Variants in SEC61A2 observed in about 807,000 individuals in gnomAD.
The protein encoded by SEC61A2 is SEC61 translocon subunit alpha 2, also known as protein transport protein Sec61 subunit alpha isoform 2.
A neutral mutation model predicts 59.9 loss-of-function variants in SEC61A2; 28 were observed. The ratio of observed to expected loss-of-function variants is 0.47; its 90% confidence interval spans 0.35 to 0.64. The LOEUF (loss-of-function observed/expected upper bound fraction) is 0.64. Ranked by LOEUF, SEC61A2 falls within the 30% of genes least tolerant of loss-of-function variation. SEC61A2 has a pLI of 0.01. For synonymous variants in SEC61A2, 202 were observed against 214.4 expected (o/e 0.94, Z 0.50); for missense variants, 340 against 585.9 (o/e 0.58, Z 4.33).
In SEC61A2 at chr10:12,164,508, GT is replaced by G; in HGVS notation, c.*59del. 1 of 1,568,876 alleles carries G rather than the reference GT, an allele frequency of 6.4e-7. No homozygotes were observed. Among genetic ancestry groups the G allele is most frequent in the Non-Finnish European group, 8.6e-7 (1 of 1,157,440 alleles). The stretch of plus-strand genomic sequence containing the variant: ...GAAAGGGAAAACACTTTGACGGATC[GT>G]TTTTGTCAGATGACACTGGTGGCTC... On this transcript the variant is annotated 3_prime_UTR_variant, in exon 12 of 12. Transcript: ENST00000298428. The surrounding 1 kb of genome is among the most constrained non-coding windows in gnomAD (Gnocchi z 7.3).
chr10:12,129,864 G>A lies in SEC61A2; in HGVS notation c.7+70G>A, dbSNP rs2131638200. ...GCCCCGCCTGGGCTGCGGGCGGTGGGGCTGGCGCTCGCTCGGAGTCGTGGG... is the reference window on the plus strand; with the variant it reads ...GCCCCGCCTGGGCTGCGGGCGGTGGAGCTGGCGCTCGCTCGGAGTCGTGGG... On this transcript the variant is annotated intron_variant, in intron 1 of 11. Coordinates refer to ENST00000298428, the MANE Select transcript of SEC61A2 (RefSeq NM_018144.4). This position sits in a 1 kb window ranked among gnomAD's most constrained non-coding sequence, Gnocchi z 5.6. The A allele has an allele frequency of 1.6e-6, 2 of 1,285,526 alleles. No individual in the cohort carries two copies. Among genetic ancestry groups the A allele is most frequent in the East Asian group, 3.2e-5 (1 of 31,490 alleles). 79.6% of individuals were successfully genotyped at this position (1,285,526 alleles called of 1,614,324 possible). A position where few individuals can be genotyped will look rare whatever the true frequency, so the allele number is the denominator to read the frequency against.
intron 3 of SEC61A2, among the ~76,000 whole-genome samples, chr10:12,139,231 G>A (rs1408247067): frequency 6.6e-6 from 1 of 151,488 alleles, no homozygotes; most frequent in Admixed American, 6.6e-5. Context: ...CAAAGTGCTG[G>A]GATTACAGGC....
In SEC61A2 at chr10:12,164,253, G is replaced by T; in HGVS notation, c.1245-15G>T. Reference sequence around the variant, plus strand: ...TGGTCTCTGCTGCCGCCTAACTTGGGGTTCTGTCTCCTAGGTACATCCCCA... The same window carrying T: ...TGGTCTCTGCTGCCGCCTAACTTGGTGTTCTGTCTCCTAGGTACATCCCCA... On this transcript the variant is annotated splice_polypyrimidine_tract_variant and intron_variant, in intron 11 of 11. Coordinates refer to ENST00000298428, the MANE Select transcript of SEC61A2 (RefSeq NM_018144.4). The surrounding 1 kb of genome is among the most constrained non-coding windows in gnomAD (Gnocchi z 7.3). 3.1e-6 allele frequency: 5 copies of T among 1,611,608 alleles called. No homozygotes were observed. Among genetic ancestry groups the T allele is most frequent in the Non-Finnish European group, 4.2e-6 (5 of 1,179,760 alleles).
downstream of SEC61A2, chr10:12,169,268 A>C: frequency 6.4e-7 from 1 of 1,550,778 alleles, no homozygotes; most frequent in Non-Finnish European, 8.7e-7. This position sits in a 1 kb window ranked among gnomAD's most constrained non-coding sequence, Gnocchi z 4.8. Flanking sequence ...ACCAAAAGTG[A>C]AGTTAAGAAG....
At chr10:12,131,762 C>T (rs1347283403) in intron 1 of SEC61A2, among the ~76,000 whole-genome samples, 44 of 128,512 alleles carry the variant, frequency 3.4e-4, no homozygotes, top group African/African-American at 1.2e-3. Flanking sequence ...TCCATCCGGG[C>T]TTACTGCAAG....
In SEC61A2 at chr10:12,164,568, T is replaced by G; in HGVS notation, c.*114T>G. On this transcript the variant is annotated 3_prime_UTR_variant, in exon 12 of 12. Transcript: ENST00000298428. This position sits in a 1 kb window ranked among gnomAD's most constrained non-coding sequence, Gnocchi z 7.3. Reference sequence around the variant, plus strand: ...TCCCCTCACAGTTTCTTGTTTCGAGTGCTGACTGACCCGTTTCTGAAATGG... The same window carrying G: ...TCCCCTCACAGTTTCTTGTTTCGAGGGCTGACTGACCCGTTTCTGAAATGG... 10 of 1,489,186 alleles carry G rather than the reference T, an allele frequency of 6.7e-6. No homozygotes were observed. The highest frequency in any genetic ancestry group is 8.9e-6 in the Non-Finnish European group (10 of 1,125,194). The allele number at this position is 1,489,186 out of a possible 1,614,324, so 92.2% of individuals were successfully genotyped here.
intron 1 of SEC61A2, among the ~76,000 whole-genome samples, chr10:12,131,986 CAA>C (rs754739865): frequency 0.99 from 38,487 of 38,730 alleles, 19,230 homozygotes; most frequent in African/African-American, 1. Flanking sequence ...CGTGAGCCAA[CAA>C]GCCCGGCCTA....
intron 4 of SEC61A2, among the ~76,000 whole-genome samples, chr10:12,144,567 G>A (rs1338897772): frequency 6.6e-6 from 1 of 152,186 alleles, no homozygotes; most frequent in Non-Finnish European, 1.5e-5. Flanking sequence ...CAATGTCCCA[G>A]TTGTCATGGA....
downstream of SEC61A2, chr10:12,166,964 T>C (rs540551088): frequency 8.7e-6 from 2 of 229,088 alleles, no homozygotes; most frequent in South Asian, 1.0e-4. Context: ...AACATGTCAG[T>C]CTTACAGATT....
At chr10:12,131,991 C>CG (rs1833756318) in intron 1 of SEC61A2, among the ~76,000 whole-genome samples, 1 of 46,586 alleles carries the variant, frequency 2.1e-5, no homozygotes, top group Non-Finnish European at 3.8e-5. Flanking sequence ...GCCAACAAGC[C>CG]CGGCCTACAT....
chr10:12,161,160 A>G lies in SEC61A2; in HGVS notation c.1167+39A>G, dbSNP rs1482807445. On this transcript the variant is annotated intron_variant, in intron 10 of 11. Transcript: ENST00000298428. The surrounding 1 kb of genome is among the most constrained non-coding windows in gnomAD (Gnocchi z 5.4). ...TTATTTTAAAATAAAACTCTTGGCA[A>G]TGCATGGTGGCGCACATCTGTAATC... The G allele has an allele frequency of 2.7e-6, 4 of 1,503,110 alleles. No individual in the cohort carries two copies. The Admixed American group carries it at 5.6e-5, about 21-fold the overall frequency. 93.1% of individuals were successfully genotyped at this position (1,503,110 alleles called of 1,614,324 possible).
chr10:12,138,330 C>G (rs1203290517), intron 3 of SEC61A2, among the ~76,000 whole-genome samples: 5 of 152,088 alleles, frequency 3.3e-5, no homozygotes, highest in African/African-American at 1.2e-4. Flanking sequence ...CTACCATTGA[C>G]TTTCAGCATC....
In SEC61A2 at chr10:12,152,665, C is replaced by T. The variant is rs180961097; in HGVS notation, c.462+2704C>T. On this transcript the variant is annotated intron_variant, in intron 6 of 11. Coordinates refer to ENST00000298428, the MANE Select transcript of SEC61A2 (RefSeq NM_018144.4). The surrounding 1 kb of genome is among the most constrained non-coding windows in gnomAD (Gnocchi z 5.5). ...ATCCCAGCACTTTGGGAGGCTGAGG[C>T]GGGCGGATCACGAGGTCAGGAGATC... Among the ~76,000 whole-genome samples, 398 of 151,986 alleles carry T rather than the reference C, an allele frequency of 2.6e-3. 2 individuals are homozygous for T. The highest frequency in any genetic ancestry group is 9.4e-3 in the African/African-American group (389 of 41,478).
chr10:12,146,562 G>T (rs978414467), intron 4 of SEC61A2, among the ~76,000 whole-genome samples: 2 of 151,816 alleles, frequency 1.3e-5, no homozygotes, highest in African/African-American at 4.8e-5. Context: ...CTGTCACCCA[G>T]GCTGGAGTGC....
At chr10:12,168,565 C>T (rs181980774), downstream of SEC61A2, among the ~76,000 whole-genome samples, 8 of 152,124 alleles carry the variant, frequency 5.3e-5, no homozygotes, top group Non-Finnish European at 1.0e-4. This position sits in a 1 kb window ranked among gnomAD's most constrained non-coding sequence, Gnocchi z 4.8. Context: ...GACCTTATTA[C>T]CACAGGCTTT....
At chr10:12,159,547 G>A (rs898136039) in intron 9 of SEC61A2, among the ~76,000 whole-genome samples, 6 of 152,032 alleles carry the variant, frequency 3.9e-5, no homozygotes, top group Non-Finnish European at 5.9e-5. Context: ...AAAACTAGCC[G>A]GGCACAGTGT....
chr10:12,153,343 A>G lies in SEC61A2; in HGVS notation c.463-2435A>G, dbSNP rs1035942610. 5.9e-5 allele frequency among the ~76,000 whole-genome samples: 9 copies of G among 152,166 alleles called. No homozygotes were observed. The highest frequency in any genetic ancestry group is 2.2e-4 in the African/African-American group (9 of 41,430). On this transcript the variant is annotated intron_variant, in intron 6 of 11. Coordinates refer to ENST00000298428, the MANE Select transcript of SEC61A2 (RefSeq NM_018144.4). This position sits in a 1 kb window ranked among gnomAD's most constrained non-coding sequence, Gnocchi z 5.2. The stretch of plus-strand genomic sequence containing the variant: ...AGTTTAGAATAATCTTGATTTTTAG[A>G]AGACACTTAGAACTGGCATGTAGCT...
rs1048695733 is a variant in SEC61A2, at chr10:12,162,750, C to T, written c.1244+461C>T. 2.4e-4 allele frequency among the ~76,000 whole-genome samples: 36 copies of T among 152,148 alleles called. 1 individual carries two copies. The highest frequency in any genetic ancestry group is 4.7e-4 in the Non-Finnish European group (32 of 68,034). On this transcript the variant is annotated intron_variant, in intron 11 of 11. Transcript: ENST00000298428. This position sits in a 1 kb window ranked among gnomAD's most constrained non-coding sequence, Gnocchi z 6.1. ...AGACTTGTACAGTCATAAGTTTAAA[C>T]ACATTTTCACCACCCAGAAAGAAAC...
Position 12,155,990 on chromosome 10 carries a change from C to T in SEC61A2, c.616+59C>T. The T allele has an allele frequency of 6.3e-7, 1 of 1,582,592 alleles. No individual in the cohort carries two copies. The highest frequency in any genetic ancestry group is 8.7e-7 in the Non-Finnish European group (1 of 1,152,714). ...TTGCTGGATGTGTGCTGGGAACAAA[C>T]CCATCGTGTCGCAGTACATGCCTAG... On this transcript the variant is annotated intron_variant, in intron 7 of 11. Coordinates refer to ENST00000298428, the MANE Select transcript of SEC61A2 (RefSeq NM_018144.4). The surrounding 1 kb of genome is among the most constrained non-coding windows in gnomAD (Gnocchi z 4.3).
Sources: gnomAD v4.1 joint callset for allele counts (sites outside exome capture counted in the v4.1 genomes callset) on GRCh38, gnomAD v4.1.1 for gene constraint, Gnocchi (gnomAD v3.1) non-coding constraint, MANE v1.5 for transcripts, NCBI Gene and HGNC (gene_info 2026-07-23, HGNC 2026-07-21) for gene names.